Variants in CRYBA1 observed in about 807,000 individuals in gnomAD.
CRYBA1 encodes the protein beta-crystallin A3.
CRYBA1 carries 25 observed loss-of-function variants against 36.2 expected under a neutral mutation model. That is an observed-to-expected ratio of 0.69 (90% CI 0.50 to 0.97). CRYBA1 has a LOEUF of 0.97. CRYBA1 is among the 50% of genes least tolerant of loss of function. CRYBA1 has a pLI of 0.00. For synonymous variants in CRYBA1, 111 were observed against 90.0 expected (o/e 1.23, Z -1.32); for missense variants, 224 against 276.3 (o/e 0.81, Z 1.34).
intron 1 of CRYBA1, among the ~76,000 whole-genome samples, chr17:29,247,907 G>A (rs1389264911): frequency 6.6e-6 from 1 of 152,126 alleles, no homozygotes; most frequent in Non-Finnish European, 1.5e-5. Context: ...ACCTGAGGTC[G>A]GGAGTTCAAG....
intron 3 of CRYBA1, 143 bp downstream of exon 3, chr17:29,250,443 A>G: frequency 1.4e-6 from 1 of 724,158 alleles, no homozygotes; most frequent in East Asian, 2.5e-5. Context: ...AAATCACTAC[A>G]TGCATAATTT....
Position 29,254,304 on chromosome 17 carries a change from T to C in CRYBA1, c.603T>C (p.His201=), listed in dbSNP as rs192941566. Residue 201 remains histidine, a synonymous_variant, in exon 6 of 6, where the codon CAT becomes CAC. Coordinates refer to ENST00000225387, the MANE Select transcript of CRYBA1 (RefSeq NM_005208.5). The part of the protein sequence containing the change: ...DYKHWREWGS[H]AQTSQIQSIR... Reference sequence around the variant, plus strand: ...AACATTGGAGAGAGTGGGGCTCTCATGCCCAGACTTCGCAGATCCAATCGA... The same window carrying C: ...AACATTGGAGAGAGTGGGGCTCTCACGCCCAGACTTCGCAGATCCAATCGA... 7.0e-4 allele frequency: 1,136 copies of C among 1,614,180 alleles called. 10 individuals are homozygous for C. The highest frequency in any genetic ancestry group is 6.7e-5 in the Non-Finnish European group (79 of 1,180,018).
intron 3 of CRYBA1, 56 bp from the exon 4 acceptor site, chr17:29,252,008 C>T: frequency 6.2e-7 from 1 of 1,612,598 alleles, no homozygotes; most frequent in Non-Finnish European, 8.5e-7. Flanking sequence ...GATGCCTTCT[C>T]CCCAAGGCCA....
Position 29,252,066 on chromosome 17 carries a change from G to A in CRYBA1, c.218G>A (p.Trp73Ter). Residue 73 changes from tryptophan to a stop codon, truncating the protein, a stop_gained and splice_region_variant, in exon 4 of 6, where the codon TGG becomes TAG. Transcript: ENST00000225387. LOFTEE classifies it high-confidence loss of function. Reference sequence around the variant, plus strand: ...CAAACACTACATGTCTTTGGCAGCTGGATTGGTTATGAGCATACCAGCTTC... The same window carrying A: ...CAAACACTACATGTCTTTGGCAGCTAGATTGGTTATGAGCATACCAGCTTC... ...VRSLKVESGA[W>*]IGYEHTSFCG... The A allele has an allele frequency of 2.5e-6, 4 of 1,614,164 alleles. No homozygotes were observed. Among genetic ancestry groups the A allele is most frequent in the Non-Finnish European group, 3.4e-6 (4 of 1,180,024 alleles).
At position 29,252,169 on chromosome 17, in the gene CRYBA1, T is replaced by A. The variant is rs1302539091; in HGVS notation, c.321T>A (p.Ile107=). Residue 107 remains isoleucine (I), a synonymous_variant, in exon 4 of 6, where the codon ATT becomes ATA. Coordinates refer to ENST00000225387, the MANE Select transcript of CRYBA1 (RefSeq NM_005208.5). ...GGAGTGGGAGTAATGCCTACCACAT[T>A]GAGCGTCTCATGTCCTTCCGCCCCA... The part of the protein sequence containing the change: ...DAWSGSNAYH[I]ERLMSFRPIC... The A allele has an allele frequency of 6.2e-7, 1 of 1,614,042 alleles. No individual in the cohort carries two copies. Among genetic ancestry groups the A allele is most frequent in the Non-Finnish European group, 8.5e-7 (1 of 1,180,032 alleles).
chr17:29,247,789 G>A (rs191234628), intron 1 of CRYBA1, among the ~76,000 whole-genome samples: 1 of 152,324 alleles, frequency 6.6e-6, no homozygotes, highest in Non-Finnish European at 1.5e-5. Context: ...GAGAAGGCAA[G>A]GTCAAGGCTG....
intron 5 of CRYBA1, 56 bp downstream of exon 5, chr17:29,253,838 AAT>A (rs1567671745): frequency 5.7e-6 from 9 of 1,591,758 alleles, no homozygotes; most frequent in Non-Finnish European, 6.9e-6. Flanking sequence ...AGGTTGCATC[AAT>A]AGTTATGTTT....
At chr17:29,250,374 T>C (rs977281350) in intron 3 of CRYBA1, 74 bp downstream of exon 3, 3 of 874,982 alleles carry the variant, frequency 3.4e-6, no homozygotes, top group African/African-American at 1.6e-5. Flanking sequence ...AGAGTGGGGA[T>C]AGGGGAAGAA....
chr17:29,252,494 C>T (rs1428019443), intron 4 of CRYBA1, among the ~76,000 whole-genome samples: 1 of 152,136 alleles, frequency 6.6e-6, no homozygotes, highest in Non-Finnish European at 1.5e-5. Context: ...AAAGTGCTTA[C>T]CCTGCAGCAA....
Position 29,249,189 on chromosome 17 carries a change from T to C in CRYBA1, c.79T>C (p.Ser27Pro), listed in dbSNP as rs1183782700. The C allele has an allele frequency of 6.2e-7, 1 of 1,610,194 alleles. No individual in the cohort carries two copies. The highest frequency in any genetic ancestry group is 2.2e-5 in the East Asian group (1 of 44,786). ...KMAQTNPTPGSLGPWKITIYD... is the reference protein window; with the variant it reads ...KMAQTNPTPGPLGPWKITIYD... Reference sequence around the variant, plus strand: ...GGCTCAGACCAACCCTACGCCGGGGTCCCTGGGGCCATGGAAGGTAAGCCC... The same window carrying C: ...GGCTCAGACCAACCCTACGCCGGGGCCCCTGGGGCCATGGAAGGTAAGCCC... The change falls in exon 2 of 6, where the codon TCC becomes CCC. Residue 27 changes from serine to proline, a missense_variant. Transcript: ENST00000225387.
At chr17:29,251,648 A>G (rs1194478896) in intron 3 of CRYBA1, among the ~76,000 whole-genome samples, 3 of 152,102 alleles carry the variant, frequency 2.0e-5, no homozygotes, top group Admixed American at 6.6e-5. Context: ...ACGCCTGGCT[A>G]ATTTTTGAGT....
At position 29,252,223 on chromosome 17, in the gene CRYBA1, C is replaced by T; in HGVS notation, c.357+18C>T. 1 of 1,613,886 alleles carries T rather than the reference C, an allele frequency of 6.2e-7. No homozygotes were observed. Among genetic ancestry groups the T allele is most frequent in the Non-Finnish European group, 8.5e-7 (1 of 1,179,962 alleles). On this transcript the variant is annotated intron_variant, in intron 4 of 5. Transcript: ENST00000225387. The stretch of plus-strand genomic sequence containing the variant: ...GTTCAGCTGTGAGTCTCTGAAATTT[C>T]CACTTCCGTGCATATGAGGGATGGG...
chr17:29,252,015 G>GC (rs1567671187), intron 3 of CRYBA1, 49 bp from the exon 4 acceptor site: 17 of 1,613,908 alleles, frequency 1.1e-5, no homozygotes, highest in Non-Finnish European at 1.4e-5. Context: ...TCTCCCCAAG[G>GC]CCATATAGGC....
chr17:29,252,130 T>A lies in CRYBA1; in HGVS notation c.282T>A (p.Pro94=), dbSNP rs760332908. 2 of 1,614,006 alleles carry A rather than the reference T, an allele frequency of 1.2e-6. No homozygotes were observed. Among genetic ancestry groups the A allele is most frequent in the Non-Finnish European group, 1.7e-6 (2 of 1,180,020 alleles). The change falls in exon 4 of 6, where the codon CCT becomes CCA. Residue 94 remains proline (P), a synonymous_variant. Transcript: ENST00000225387. Reference sequence around the variant, plus strand: ...TTATCCTGGAGAGAGGAGAATACCCTCGCTGGGATGCCTGGAGTGGGAGTA... The same window carrying A: ...TTATCCTGGAGAGAGGAGAATACCCACGCTGGGATGCCTGGAGTGGGAGTA... ...QQFILERGEY[P]RWDAWSGSNA... is the part of the protein sequence containing the mutation.
chr17:29,249,814 A>C (rs1239708067), intron 2 of CRYBA1, among the ~76,000 whole-genome samples: 1 of 152,182 alleles, frequency 6.6e-6, no homozygotes. Flanking sequence ...GAAGCTAAGA[A>C]TCTATAAGGA....
chr17:29,248,185 G>T (rs755427581), intron 1 of CRYBA1, among the ~76,000 whole-genome samples: 30 of 151,934 alleles, frequency 2.0e-4, no homozygotes, highest in Non-Finnish European at 3.8e-4. Flanking sequence ...GGGTTACGAG[G>T]GAGTCTGGGG....
rs768707213 is a variant in CRYBA1, at chr17:29,253,790, C to A, written c.500+8C>A. On this transcript the variant is annotated splice_region_variant and intron_variant, in intron 5 of 5. Coordinates refer to ENST00000225387, the MANE Select transcript of CRYBA1 (RefSeq NM_005208.5). The stretch of plus-strand genomic sequence containing the variant: ...GAAGATACAAAGTGGGGCGTAAGTA[C>A]AAAAACAGGGTTGGAATATACTTCA... 1 of 1,614,042 alleles carries A rather than the reference C, an allele frequency of 6.2e-7. No individual in the cohort carries two copies. The highest frequency in any genetic ancestry group is 8.5e-7 in the Non-Finnish European group (1 of 1,179,978).
At position 29,252,021 on chromosome 17, in the gene CRYBA1, T is replaced by C. The variant is rs568728967; in HGVS notation, c.216-43T>C. 27 of 1,614,032 alleles carry C rather than the reference T, an allele frequency of 1.7e-5. 1 individual carries two copies. The Middle Eastern group carries it at 5.0e-4, about 30-fold the overall frequency. ...AAGATGCCTTCTCCCCAAGGCCATATAGGCTTTGAACACCATGAACAAACA... is the reference window on the plus strand; with the variant it reads ...AAGATGCCTTCTCCCCAAGGCCATACAGGCTTTGAACACCATGAACAAACA... On this transcript the variant is annotated intron_variant, in intron 3 of 5. Coordinates refer to ENST00000225387, the MANE Select transcript of CRYBA1 (RefSeq NM_005208.5).
chr17:29,251,935 T>C, intron 3 of CRYBA1, 129 bp from the exon 4 acceptor site: 1 of 1,171,116 alleles, frequency 8.5e-7, no homozygotes, highest in South Asian at 1.2e-5. Context: ...ACAAATTACT[T>C]TGTACAGCTC....
Sources: allele counts gnomAD v4.1 joint callset (sites outside exome capture counted in the v4.1 genomes callset), GRCh38; gene constraint gnomAD v4.1.1; transcripts MANE v1.5; gene names NCBI Gene and HGNC (gene_info 2026-07-23, HGNC 2026-07-21).